The following PGPEP1L variants were observed in gnomAD, a reference collection of about 807,000 sequenced individuals.
PGPEP1L encodes pyroglutamyl-peptidase I like.
PGPEP1L carries 7 observed loss-of-function variants against 6.0 expected under a neutral mutation model. That is an observed-to-expected ratio of 1.17 (90% confidence interval 0.66 to 2.19). The LOEUF is 2.19. Ranked by LOEUF, PGPEP1L falls within the 30% of genes most tolerant of loss-of-function variation. The pLI, the probability that PGPEP1L is intolerant of heterozygous loss-of-function variation, is 0.00. For missense variants in PGPEP1L, 209 were observed against 192.5 expected, an observed-to-expected ratio of 1.09 and a Z score of -0.51; for synonymous variants, 103 against 83.9, an observed-to-expected ratio of 1.23 and a Z score of -1.24.
At chr15:98,989,848 T>C (rs2017795777) in intron 2 of PGPEP1L, among the ~76,000 whole-genome samples, 1 of 152,126 alleles carries the variant, frequency 6.6e-6, no homozygotes, top group South Asian at 2.1e-4. Flanking sequence ...AAGAAAAGAA[T>C]TTTCAACCCA....
intron 2 of PGPEP1L, among the ~76,000 whole-genome samples, chr15:99,005,221 C>T (rs1555473476): frequency 3.3e-5 from 5 of 152,220 alleles, no homozygotes; most frequent in African/African-American, 9.6e-5. Context: ...GCGAATGAGC[C>T]ACAGAAGCAG....
intron 2 of PGPEP1L, chr15:99,001,306 GACC>G (rs1555472994): frequency 1.2e-5 from 3 of 243,166 alleles, no homozygotes; most frequent in Non-Finnish European, 1.7e-5. Flanking sequence ...AGAGGCAAAG[GACC>G]ACATGTAAAA....
At chr15:98,979,406 G>A (rs2017622533) in intron 2 of PGPEP1L, among the ~76,000 whole-genome samples, 1 of 152,066 alleles carries the variant, frequency 6.6e-6, no homozygotes. Context: ...AGAACAGGAG[G>A]ACATGCACAT....
In PGPEP1L at chr15:98,969,524, C is replaced by T; in HGVS notation, c.110G>A (p.Gly37Asp). 6 of 1,614,034 alleles carry T rather than the reference C, an allele frequency of 3.7e-6. No homozygotes were observed. Among genetic ancestry groups the T allele is most frequent in the Non-Finnish European group, 4.2e-6 (5 of 1,179,908 alleles). ...CCCTGACTCCAGCACGTCTGGGCTG[C>T]CAGGTAGGCACACGCCGCCCTCGGG... ...FWPEGGVCLPGSPDVLESGVC... is the reference protein window; with the variant it reads ...FWPEGGVCLPDSPDVLESGVC... The change falls in exon 4 of 5, where the codon GGC (glycine) becomes GAC (aspartate). Residue 37 changes from glycine (G) to aspartate (D), a missense_variant. Physicochemically the swap from Gly to Asp is moderately conservative, Grantham distance 94. Coordinates refer to ENST00000535714, the MANE Select transcript of PGPEP1L (RefSeq NM_001167902.2).
chr15:98,996,041 TCTC>T (rs1232358278), intron 2 of PGPEP1L, among the ~76,000 whole-genome samples: 6 of 152,222 alleles, frequency 3.9e-5, no homozygotes, highest in African/African-American at 1.4e-4. Flanking sequence ...GTTTTATTAC[TCTC>T]CTTTTCATTT....
At chr15:98,994,560 T>C (rs1311874311) in intron 2 of PGPEP1L, among the ~76,000 whole-genome samples, 3 of 152,040 alleles carry the variant, frequency 2.0e-5, no homozygotes, top group African/African-American at 7.2e-5. Flanking sequence ...CATTCCAGCC[T>C]GGGCAATTGG....
intron 2 of PGPEP1L, among the ~76,000 whole-genome samples, chr15:98,999,366 T>C (rs2017929278): frequency 6.6e-6 from 1 of 152,144 alleles, no homozygotes; most frequent in Non-Finnish European, 1.5e-5. Context: ...GAAATACAAA[T>C]TAAAATCTGG....
chr15:98,973,994 A>G (rs182391857), intron 2 of PGPEP1L, among the ~76,000 whole-genome samples: 6 of 152,366 alleles, frequency 3.9e-5, no homozygotes, highest in Admixed American at 2.6e-4. Flanking sequence ...ATAAAATTTG[A>G]TATGAAAAAG....
chr15:98,971,497 A>AAAAAG (rs993854815), intron 2 of PGPEP1L, among the ~76,000 whole-genome samples: 1 of 152,206 alleles, frequency 6.6e-6, no homozygotes, highest in Non-Finnish European at 1.5e-5. Flanking sequence ...CTGTTTCCAA[A>AAAAAG]AAAAGAAAAG....
chr15:98,991,789 G>C (rs1235360363), intron 2 of PGPEP1L, among the ~76,000 whole-genome samples: 2 of 152,190 alleles, frequency 1.3e-5, no homozygotes, highest in South Asian at 2.1e-4. Context: ...GGGATGCAAG[G>C]CTGGTTCAAC....
Position 98,986,893 on chromosome 15 carries a change from G to C in PGPEP1L, c.-141-15735C>G, listed in dbSNP as rs189866567. Among the ~76,000 whole-genome samples the C allele has an allele frequency of 8.5e-5, 13 of 152,212 alleles. No individual in the cohort carries two copies. In the East Asian group the frequency reaches 2.1e-3, roughly 25 times the overall value. On this transcript the variant is annotated intron_variant, in intron 2 of 4. Coordinates refer to ENST00000535714, the MANE Select transcript of PGPEP1L (RefSeq NM_001167902.2). The stretch of plus-strand genomic sequence containing the variant: ...ACTTAGAAGAGCTAATTTAGGCTGG[G>C]CATGGTGGCTCACACCTGTAATCCC...
intron 2 of PGPEP1L, among the ~76,000 whole-genome samples, chr15:98,993,875 CAA>C (rs1283391802): frequency 5.3e-5 from 8 of 151,086 alleles, no homozygotes; most frequent in Non-Finnish European, 8.9e-5. Context: ...AACAAAACAA[CAA>C]AAAAAGTTAC....
intron 2 of PGPEP1L, among the ~76,000 whole-genome samples, chr15:98,999,168 G>A (rs1555472735): frequency 6.6e-6 from 1 of 152,186 alleles, no homozygotes; most frequent in Non-Finnish European, 1.5e-5. Context: ...ATAAGCTACA[G>A]ATGGAGAAAA....
chr15:98,969,133 G>T (rs1202924730), intron 4 of PGPEP1L, among the ~76,000 whole-genome samples: 1 of 152,202 alleles, frequency 6.6e-6, no homozygotes, highest in Non-Finnish European at 1.5e-5. Flanking sequence ...ATCAAAATCA[G>T]AAAACATTCA....
At chr15:98,987,194 A>AAAG (rs2017759831) in intron 2 of PGPEP1L, among the ~76,000 whole-genome samples, 1 of 146,068 alleles carries the variant, frequency 6.8e-6, no homozygotes, top group African/African-American at 2.6e-5. Flanking sequence ...AAAAAAAAAA[A>AAAG]AGAGAGCCAA....
At chr15:98,994,873 A>G (rs2017866525) in intron 2 of PGPEP1L, among the ~76,000 whole-genome samples, 1 of 152,176 alleles carries the variant, frequency 6.6e-6, no homozygotes, top group Non-Finnish European at 1.5e-5. Flanking sequence ...GGCACTTTGA[A>G]TATATTACTC....
At chr15:98,985,921 G>C (rs1555471437) in intron 2 of PGPEP1L, among the ~76,000 whole-genome samples, 1 of 152,146 alleles carries the variant, frequency 6.6e-6, no homozygotes. Context: ...CTCCCTCCAG[G>C]GTAGTTTCTT....
chr15:98,977,003 C>CA (rs11385185), intron 2 of PGPEP1L, among the ~76,000 whole-genome samples: 2,871 of 128,856 alleles, frequency 0.022, 112 homozygotes, highest in African/African-American at 0.076. Context: ...AGTAAAATGG[C>CA]AAAAAAAAAA....
chr15:98,969,760 A>T, intron 3 of PGPEP1L, 109 bp from the exon 4 acceptor site: 1 of 1,117,876 alleles, frequency 8.9e-7, no homozygotes. Context: ...TGTGCAAAAC[A>T]TCTCAAACCC....
Sources: allele counts gnomAD v4.1 joint callset (sites outside exome capture counted in the v4.1 genomes callset), GRCh38; gene constraint gnomAD v4.1.1; transcripts MANE v1.5; gene names NCBI Gene and HGNC (gene_info 2026-07-23, HGNC 2026-07-21).